The following PPP2R5E variants were observed in gnomAD, a reference collection of about 807,000 sequenced individuals.
The protein encoded by PPP2R5E is serine/threonine-protein phosphatase 2A 56 kDa regulatory subunit epsilon isoform.
A neutral mutation model predicts 65.3 loss-of-function variants in PPP2R5E; 4 were observed. The observed-to-expected ratio is 0.06, with a 90% confidence interval of 0.03 to 0.14. The LOEUF is 0.14. PPP2R5E is among the 10% of genes least tolerant of loss of function. The probability of loss-of-function intolerance (pLI) is 1.00; values close to 1 mark genes in which losing one functional copy is unlikely to be tolerated. For synonymous variants in PPP2R5E, 183 were observed against 187.4 expected (o/e 0.98, Z 0.19); for missense variants, 274 against 556.1 (o/e 0.49, Z 5.10).
intron 2 of PPP2R5E, among the ~76,000 whole-genome samples, chr14:63,467,451 G>C (rs1173360908): frequency 6.6e-6 from 1 of 151,962 alleles, no homozygotes; most frequent in Non-Finnish European, 1.5e-5. Flanking sequence ...ACATGCCATG[G>C]GGTAGTACAA....
intron 5 of PPP2R5E, among the ~76,000 whole-genome samples, chr14:63,411,278 GTA>G (rs1199359736): frequency 6.6e-6 from 1 of 152,136 alleles, no homozygotes; most frequent in Non-Finnish European, 1.5e-5. Flanking sequence ...TAATATACTA[GTA>G]AATTTCTGGA....
At chr14:63,511,786 A>G (rs1161403374) in intron 2 of PPP2R5E, among the ~76,000 whole-genome samples, 2 of 152,146 alleles carry the variant, frequency 1.3e-5, no homozygotes, top group South Asian at 2.1e-4. Context: ...AATTACCAAG[A>G]TAAGAATCTC....
intron 2 of PPP2R5E, among the ~76,000 whole-genome samples, chr14:63,497,720 C>G (rs1891644334): frequency 6.6e-6 from 1 of 151,888 alleles, no homozygotes; most frequent in Non-Finnish European, 1.5e-5. Context: ...TGTGCTCCAG[C>G]CTGGGCGACA....
At chr14:63,445,504 C>T (rs550036672) in intron 3 of PPP2R5E, among the ~76,000 whole-genome samples, 47 of 152,172 alleles carry the variant, frequency 3.1e-4, no homozygotes, top group South Asian at 8.3e-4. Flanking sequence ...CTCATCATAG[C>T]GGTGGTAGCT....
At chr14:63,496,443 CA>C (rs753525299) in intron 2 of PPP2R5E, among the ~76,000 whole-genome samples, 195 of 118,572 alleles carry the variant, frequency 1.6e-3, no homozygotes, top group Admixed American at 2.0e-3. Context: ...GACTCTGTCT[CA>C]AAAAAAAAAA....
At chr14:63,377,949 C>T (rs1226400226) in intron 13 of PPP2R5E, among the ~76,000 whole-genome samples, 2 of 152,168 alleles carry the variant, frequency 1.3e-5, no homozygotes, top group Admixed American at 6.5e-5. Context: ...TCACTGTAGC[C>T]TCAATCACCT....
At chr14:63,487,486 G>A (rs1230461242) in intron 2 of PPP2R5E, among the ~76,000 whole-genome samples, 3 of 152,160 alleles carry the variant, frequency 2.0e-5, no homozygotes, top group African/African-American at 7.2e-5. Context: ...TTAAAAAGAA[G>A]GGAAGTGAAA....
intron 5 of PPP2R5E, among the ~76,000 whole-genome samples, chr14:63,399,420 A>C (rs956708674): frequency 9.2e-6 from 1 of 108,526 alleles, no homozygotes; most frequent in Non-Finnish European, 1.7e-5. Context: ...TTGCTCTGTC[A>C]CTAGGCTGGA....
intron 13 of PPP2R5E, among the ~76,000 whole-genome samples, 161 bp downstream of exon 13, chr14:63,381,895 G>A (rs1050268445): frequency 6.6e-6 from 1 of 152,168 alleles, no homozygotes; most frequent in African/African-American, 2.4e-5. Flanking sequence ...ATTGCCTAAG[G>A]ATGCATTTCT....
At chr14:63,500,256 T>C (rs59443470) in intron 2 of PPP2R5E, among the ~76,000 whole-genome samples, 4,052 of 152,310 alleles carry the variant, frequency 0.027, 185 homozygotes, top group African/African-American at 0.093. Context: ...TTAATGAAAG[T>C]AAAACTTGGT....
intron 13 of PPP2R5E, 143 bp from the exon 14 acceptor site, chr14:63,376,251 A>C: frequency 1.6e-6 from 1 of 619,536 alleles, no homozygotes; most frequent in Non-Finnish European, 2.8e-6. Flanking sequence ...AGAAACAAAA[A>C]TGGGAATGAC....
intron 3 of PPP2R5E, among the ~76,000 whole-genome samples, chr14:63,445,557 A>G (rs1288852032): frequency 6.6e-6 from 1 of 152,058 alleles, no homozygotes; most frequent in Non-Finnish European, 1.5e-5. Context: ...ATAAGATGAC[A>G]ATGAGGCCAG....
At chr14:63,444,351 G>A (rs964224750) in intron 3 of PPP2R5E, among the ~76,000 whole-genome samples, 1 of 151,982 alleles carries the variant, frequency 6.6e-6, no homozygotes, top group Non-Finnish European at 1.5e-5. Flanking sequence ...CTACCTTCAC[G>A]TCCCTTTACT....
chr14:63,376,615 T>C (rs994377662), intron 13 of PPP2R5E, among the ~76,000 whole-genome samples: 1 of 152,210 alleles, frequency 6.6e-6, no homozygotes, highest in Non-Finnish European at 1.5e-5. Context: ...TTTAGTGATT[T>C]TCAGACTTTG....
At chr14:63,404,059 G>A (rs1293575531) in intron 5 of PPP2R5E, among the ~76,000 whole-genome samples, 2 of 152,200 alleles carry the variant, frequency 1.3e-5, no homozygotes, top group African/African-American at 2.4e-5. Context: ...ACAACTGGAA[G>A]ACTTAAGTGT....
chr14:63,440,074 T>A (rs1410334423), intron 3 of PPP2R5E, among the ~76,000 whole-genome samples: 1 of 152,208 alleles, frequency 6.6e-6, no homozygotes, highest in Non-Finnish European at 1.5e-5. Flanking sequence ...ACGCCAATGT[T>A]ACCACATAAG....
At chr14:63,399,411 TG>T (rs939378190) in intron 5 of PPP2R5E, among the ~76,000 whole-genome samples, 3 of 133,198 alleles carry the variant, frequency 2.3e-5, no homozygotes, top group Admixed American at 7.9e-5. Flanking sequence ...GACAGAGTCT[TG>T]CTCTGTCACT....
At chr14:63,443,826 C>A (rs1888351682) in intron 3 of PPP2R5E, among the ~76,000 whole-genome samples, 1 of 152,162 alleles carries the variant, frequency 6.6e-6, no homozygotes, top group Non-Finnish European at 1.5e-5. Context: ...TCTCACACTC[C>A]AAAAGTTCAC....
intron 5 of PPP2R5E, among the ~76,000 whole-genome samples, chr14:63,410,574 G>A (rs373081139): frequency 6.6e-6 from 1 of 152,270 alleles, no homozygotes. Flanking sequence ...AACTGGCCAG[G>A]AAGGGATCTC....
Sources: allele counts gnomAD v4.1 joint callset (sites outside exome capture counted in the v4.1 genomes callset), GRCh38; gene constraint gnomAD v4.1.1; transcripts MANE v1.5; gene names NCBI Gene and HGNC (gene_info 2026-07-23, HGNC 2026-07-21).